Variants in MSI2 observed in about 807,000 individuals in gnomAD.
MSI2 encodes the protein RNA-binding protein Musashi homolog 2.
MSI2 carries 17 observed loss-of-function variants against 45.6 expected under a neutral mutation model. The observed-to-expected ratio is 0.37, with a 90% CI of 0.26 to 0.56. The LOEUF (loss-of-function observed/expected upper bound fraction) is 0.56. Among genes scored for constraint, MSI2 ranks in the 20% least tolerant of loss-of-function variants. MSI2 has a pLI of 0.77. For missense variants in MSI2, 293 were observed against 444.2 expected (o/e 0.66, Z 3.06); for synonymous variants, 156 against 158.2 (o/e 0.99, Z 0.11).
chr17:57,594,790 T>C (rs1028230645), intron 7 of MSI2, among the ~76,000 whole-genome samples: 10 of 150,594 alleles, frequency 6.6e-5, no homozygotes, highest in Non-Finnish European at 1.2e-4. Context: ...TAGCTTTTAC[T>C]GGGTGACACT....
chr17:57,296,500 G>A (rs910206259), intron 5 of MSI2, among the ~76,000 whole-genome samples: 2 of 152,170 alleles, frequency 1.3e-5, no homozygotes, highest in African/African-American at 2.4e-5. Context: ...CCAGAAGATC[G>A]TGTCAAAGAT....
chr17:57,516,099 G>T (rs2086463916), intron 6 of MSI2, among the ~76,000 whole-genome samples: 2 of 152,060 alleles, frequency 1.3e-5, no homozygotes, highest in African/African-American at 4.8e-5. Context: ...CTTTAAAATT[G>T]TACTACCTGG....
At chr17:57,326,351 G>A (rs1420105839) in intron 5 of MSI2, among the ~76,000 whole-genome samples, 1 of 152,164 alleles carries the variant, frequency 6.6e-6, no homozygotes, top group Non-Finnish European at 1.5e-5. Flanking sequence ...CAAGCCCTGG[G>A]GGAGAGGAGG....
intron 5 of MSI2, among the ~76,000 whole-genome samples, chr17:57,302,302 G>C (rs1275829719): frequency 6.6e-6 from 1 of 152,150 alleles, no homozygotes; most frequent in Admixed American, 6.5e-5. Flanking sequence ...TTGAGACAGG[G>C]TCTTGCTGTG....
intron 7 of MSI2, among the ~76,000 whole-genome samples, chr17:57,533,544 A>G (rs2086864615): frequency 6.6e-6 from 1 of 152,202 alleles, no homozygotes; most frequent in South Asian, 2.1e-4. Context: ...TAGCTTTTTA[A>G]CTGTGAGAAT....
chr17:57,388,301 C>A (rs1218481563), intron 5 of MSI2, among the ~76,000 whole-genome samples: 1 of 152,214 alleles, frequency 6.6e-6, no homozygotes, highest in Non-Finnish European at 1.5e-5. Flanking sequence ...ATCAGCATAT[C>A]TGGGCTGGGG....
chr17:57,697,029 A>G, the MSI2 span, among the ~76,000 whole-genome samples: 3 of 152,086 alleles, frequency 2.0e-5, no homozygotes, highest in Non-Finnish European at 4.4e-5. Flanking sequence ...TAAGCCAGGG[A>G]GGGGGTGTGA....
At chr17:57,256,202 G>GC (rs1457318058), upstream of MSI2, among the ~76,000 whole-genome samples, 3 of 149,528 alleles carry the variant, frequency 2.0e-5, no homozygotes, top group Admixed American at 6.6e-5. Flanking sequence ...CGATCCACCC[G>GC]CCCCCCGCAG....
At chr17:57,603,465 A>T (rs1029206768) in intron 8 of MSI2, among the ~76,000 whole-genome samples, 1 of 152,208 alleles carries the variant, frequency 6.6e-6, no homozygotes, top group Non-Finnish European at 1.5e-5. Flanking sequence ...CTCCTGTGGG[A>T]AATCAGAAGG....
At chr17:57,447,258 T>C (rs1229772275) in intron 6 of MSI2, among the ~76,000 whole-genome samples, 4 of 152,056 alleles carry the variant, frequency 2.6e-5, no homozygotes, top group African/African-American at 9.7e-5. Context: ...AGCTGGTTTG[T>C]TTTGTTTCGT....
At chr17:57,572,283 C>G (rs997698348) in intron 7 of MSI2, among the ~76,000 whole-genome samples, 4 of 152,176 alleles carry the variant, frequency 2.6e-5, no homozygotes, top group Admixed American at 1.3e-4. Context: ...TGAGCTTCAC[C>G]CTGTTCCAGA....
At position 57,256,721 on chromosome 17, in the gene MSI2, G is replaced by T. The variant is rs1191645601; in HGVS notation, c.-22G>T. The T allele has an allele frequency of 6.6e-6, 4 of 610,200 alleles. No individual in the cohort carries two copies. The Admixed American group carries it at 1.4e-4, about 21-fold the overall frequency. 37.8% of individuals were successfully genotyped at this position (610,200 alleles called of 1,614,324 possible). A position where few individuals can be genotyped will look rare whatever the true frequency, so the allele number is the denominator to read the frequency against. On this transcript the variant is annotated 5_prime_UTR_variant, in exon 1 of 14. Coordinates refer to ENST00000284073, the MANE Select transcript of MSI2 (RefSeq NM_138962.4). ...CTGTGGGGCTTGGTTTTTTGGGGGT[G>T]GGGGGGCGGGGGGGCTCAGATATGG... is the stretch of plus-strand genomic sequence containing the variant.
intron 5 of MSI2, among the ~76,000 whole-genome samples, chr17:57,277,124 G>C (rs1908938309): frequency 1.4e-5 from 2 of 147,224 alleles, no homozygotes; most frequent in Admixed American, 1.4e-4. Context: ...AGCAGGATCT[G>C]GGCTCACTGC....
At chr17:57,449,999 C>G (rs948139759) in intron 6 of MSI2, 4 of 152,174 alleles carry the variant, frequency 2.6e-5, no homozygotes, top group African/African-American at 9.7e-5. Flanking sequence ...GCACTCTAGC[C>G]TGGCAACAGA....
chr17:57,493,642 G>A (rs946461174), intron 6 of MSI2, among the ~76,000 whole-genome samples: 2 of 149,938 alleles, frequency 1.3e-5, no homozygotes, highest in African/African-American at 2.5e-5. Flanking sequence ...GGGGAGGCGG[G>A]AAACAGTCTT....
At chr17:57,503,526 C>T (rs1292859910) in intron 6 of MSI2, among the ~76,000 whole-genome samples, 1 of 152,170 alleles carries the variant, frequency 6.6e-6, no homozygotes, top group African/African-American at 2.4e-5. Context: ...TTAGAAACAG[C>T]ACATTTGTCA....
At position 57,596,925 on chromosome 17, in the gene MSI2, A is replaced by G; in HGVS notation, c.512A>G (p.His171Arg). The G allele has an allele frequency of 6.2e-7, 1 of 1,613,180 alleles. No homozygotes were observed. The highest frequency in any genetic ancestry group is 8.5e-7 in the Non-Finnish European group (1 of 1,179,152). ...EDVVEKVCEI[H>R]FHEINNKMVE... ...GTTGTGGAGAAAGTCTGTGAGATTC[A>G]TTTCCATGAAATCAATAATAAAATG... Residue 171 changes from histidine to arginine, a missense_variant, in exon 8 of 14, where the codon CAT (histidine) becomes CGT (arginine). Transcript: ENST00000284073. The surrounding 1 kb of genome is among the most constrained non-coding windows in gnomAD (Gnocchi z 4.6).
At chr17:57,576,226 G>A (rs991510719) in intron 7 of MSI2, among the ~76,000 whole-genome samples, 1 of 152,162 alleles carries the variant, frequency 6.6e-6, no homozygotes, top group Admixed American at 6.5e-5. Context: ...CAGCAGTCCT[G>A]GAGCTCAGGC....
At chr17:57,636,503 G>A (rs1909850250) in intron 10 of MSI2, among the ~76,000 whole-genome samples, 1 of 152,156 alleles carries the variant, frequency 6.6e-6, no homozygotes, top group South Asian at 2.1e-4. Flanking sequence ...CCCCACTCAG[G>A]AGAGGCGAGA....
Sources: allele counts gnomAD v4.1 joint callset (sites outside exome capture counted in the v4.1 genomes callset), GRCh38; gene constraint gnomAD v4.1.1; non-coding constraint Gnocchi (gnomAD v3.1); transcripts MANE v1.5; gene names NCBI Gene and HGNC (gene_info 2026-07-23, HGNC 2026-07-21).